The following GPN1 variants were observed in gnomAD, a reference collection of about 807,000 sequenced individuals.
The protein encoded by GPN1 is GPN-loop GTPase 1.
A neutral mutation model predicts 55.9 loss-of-function variants in GPN1; 44 were observed. The observed-to-expected ratio is 0.79, with a 90% CI of 0.62 to 1.01. The LOEUF is 1.01. GPN1 is among the 50% of genes least tolerant of loss of function. The probability of loss-of-function intolerance (pLI) is 0.00; values close to 1 mark genes in which losing one functional copy is unlikely to be tolerated. For missense variants in GPN1, 466 were observed against 462.8 expected (o/e 1.01, Z -0.06); for synonymous variants, 179 against 162.5 (o/e 1.10, Z -0.77).
At chr2:27,642,354 A>G in intron 11 of GPN1, 75 bp from the exon 12 acceptor site, 1 of 850,744 alleles carries the variant, frequency 1.2e-6, no homozygotes, top group Non-Finnish European at 2.0e-6. Context: ...ATAATTCTTC[A>G]TCTCCACTGA....
intron 13 of GPN1, 56 bp from the exon 14 acceptor site, chr2:27,650,059 C>G (rs1306468898): frequency 4.3e-6 from 4 of 939,758 alleles, no homozygotes; most frequent in African/African-American, 1.6e-5. Flanking sequence ...GTGACGGGCT[C>G]TAATCAGTTT....
In GPN1 at chr2:27,634,907, A is replaced by G. The variant is rs1039935454; in HGVS notation, c.412A>G (p.Ile138Val). Residue 138 changes from isoleucine to valine, a missense_variant, in exon 6 of 14, where the codon ATT (isoleucine) becomes GTT (valine). Coordinates refer to ENST00000610189, the MANE Select transcript of GPN1 (RefSeq NM_007266.4). ...EVFTWSASGTIITEALASSFP... is the reference protein window; with the variant it reads ...EVFTWSASGTVITEALASSFP... ...ATTCACCTGGTCAGCTTCTGGGACA[A>G]TTATCACTGAAGCCCTTGTGAGTAT... 15 of 1,594,650 alleles carry G rather than the reference A, an allele frequency of 9.4e-6. No homozygotes were observed. The African/African-American group carries it at 1.2e-4, about 13-fold the overall frequency.
exon 14 of GPN1, chr2:27,651,509 GTA>G (rs1341103573): frequency 6.6e-6 from 1 of 152,288 alleles, no homozygotes; most frequent in African/African-American, 2.4e-5. Context: ...TTATTATAAA[GTA>G]TTAATTTTAA....
At chr2:27,630,255 C>T (rs886598596) in intron 2 of GPN1, among the ~76,000 whole-genome samples, 15 of 152,164 alleles carry the variant, frequency 9.9e-5, no homozygotes, top group African/African-American at 3.4e-4. Flanking sequence ...CCACTGCACT[C>T]CAGCCTGGTC....
intron 12 of GPN1, among the ~76,000 whole-genome samples, chr2:27,646,501 A>G (rs559722715): frequency 6.6e-6 from 1 of 151,846 alleles, no homozygotes; most frequent in East Asian, 1.9e-4. Flanking sequence ...TGAATTAAAA[A>G]TTTTTTTTTA....
chr2:27,632,044 T>A (rs1208560375), intron 4 of GPN1, 144 bp downstream of exon 4: 5 of 653,652 alleles, frequency 7.6e-6, no homozygotes, highest in Non-Finnish European at 1.4e-5. Flanking sequence ...GACAGAGAAG[T>A]AGACTATGAG....
intron 5 of GPN1, among the ~76,000 whole-genome samples, chr2:27,633,411 T>C (rs774207451): frequency 6.6e-6 from 1 of 152,174 alleles, no homozygotes; most frequent in Non-Finnish European, 1.5e-5. Flanking sequence ...GCTCAGGTGA[T>C]CCTCCCACCT....
At chr2:27,633,193 G>A (rs149456592) in intron 5 of GPN1, among the ~76,000 whole-genome samples, 158 of 152,214 alleles carry the variant, frequency 1.0e-3, no homozygotes, top group African/African-American at 3.7e-3. Context: ...CCATCACCCC[G>A]ATTCCCACTA....
Position 27,629,350 on chromosome 2 carries a change from AAGGCTCTCTTCTGCGCACCT to A in GPN1, c.111+182_111+201del. ...TCCTCGGGCCCTAGCCAGGTTAATT[AAGGCTCTCTTCTGCGCACCT>A]TCAGGGCATACTCGGTCCAGCTTAC... On this transcript the variant is annotated intron_variant, in intron 1 of 13. Coordinates refer to ENST00000610189, the MANE Select transcript of GPN1 (RefSeq NM_007266.4). 1.9e-6 allele frequency: 3 copies of A among 1,540,244 alleles called. No individual in the cohort carries two copies. The South Asian group carries it at 3.6e-5, about 18-fold the overall frequency.
At chr2:27,644,730 T>TTTG (rs1553358630) in intron 12 of GPN1, among the ~76,000 whole-genome samples, 1 of 148,308 alleles carries the variant, frequency 6.7e-6, no homozygotes, top group African/African-American at 2.5e-5. Flanking sequence ...AGTGTTTTTT[T>TTTG]TTTTTTTTTT....
intron 5 of GPN1, among the ~76,000 whole-genome samples, chr2:27,634,606 T>C (rs1468547875): frequency 1.3e-5 from 2 of 152,248 alleles, no homozygotes; most frequent in African/African-American, 4.8e-5. Flanking sequence ...AAGTTTCCCC[T>C]GTGATCATTT....
intron 1 of GPN1, 39 bp from the exon 2 acceptor site, chr2:27,629,820 T>C: frequency 9.1e-7 from 1 of 1,099,770 alleles, no homozygotes; most frequent in Non-Finnish European, 1.4e-6. Context: ...TCTTGTCCCC[T>C]CTTTGTCTCC....
At chr2:27,641,444 G>A (rs1385276838) in intron 11 of GPN1, among the ~76,000 whole-genome samples, 165 bp downstream of exon 11, 1 of 152,112 alleles carries the variant, frequency 6.6e-6, no homozygotes, top group Non-Finnish European at 1.5e-5. Context: ...TGAAATTTCA[G>A]TGTATCTTCT....
chr2:27,648,189 C>T (rs1053649944), intron 13 of GPN1, among the ~76,000 whole-genome samples: 1 of 152,022 alleles, frequency 6.6e-6, no homozygotes, highest in African/African-American at 2.4e-5. Flanking sequence ...TTGAGGGATC[C>T]AGGACTTTTG....
rs78719906 is a variant in GPN1, at chr2:27,643,604, C to T, written c.931+1085C>T. Among the ~76,000 whole-genome samples, 2,188 of 152,290 alleles carry T rather than the reference C, an allele frequency of 0.014. 48 individuals are homozygous for T. Among genetic ancestry groups the T allele is most frequent in the African/African-American group, 0.049 (2,035 of 41,556 alleles). On this transcript the variant is annotated intron_variant, in intron 12 of 13. Coordinates refer to ENST00000610189, the MANE Select transcript of GPN1 (RefSeq NM_007266.4). The surrounding 1 kb of genome is among the most constrained non-coding windows in gnomAD (Gnocchi z 4.0). Reference sequence around the variant, plus strand: ...GGATGTGCATTGTATTTAATTCTCACATGCCTTATACTCCTTTAGAATCTG... The same window carrying T: ...GGATGTGCATTGTATTTAATTCTCATATGCCTTATACTCCTTTAGAATCTG...
In GPN1 at chr2:27,650,143, A is replaced by G. The variant is rs142332359; in HGVS notation, c.1068A>G (p.Ala356=). The change falls in exon 14 of 14, where the codon GCA becomes GCG. Residue 356 remains alanine (A), a synonymous_variant. Coordinates refer to ENST00000610189, the MANE Select transcript of GPN1 (RefSeq NM_007266.4). ...RVTEESHEEP[A]FQNFMQESMA... ...CAGAGGAAAGCCATGAAGAGCCAGC[A>G]TTCCAGAATTTTATGCAAGAATCGA... 6.2e-7 allele frequency: 1 copy of G among 1,607,392 alleles called. No homozygotes were observed. Among genetic ancestry groups the G allele is most frequent in the Non-Finnish European group, 8.5e-7 (1 of 1,173,898 alleles).
At chr2:27,635,414 T>C (rs1673699623) in intron 7 of GPN1, among the ~76,000 whole-genome samples, 180 bp downstream of exon 7, 1 of 149,874 alleles carries the variant, frequency 6.7e-6, no homozygotes, top group South Asian at 2.1e-4. Flanking sequence ...AAGAGGCACA[T>C]GTGCTGTTGG....
At position 27,638,209 on chromosome 2, in the gene GPN1, G is replaced by T; in HGVS notation, c.525-1G>T. 6.5e-7 allele frequency: 1 copy of T among 1,536,028 alleles called. No homozygotes were observed. The highest frequency in any genetic ancestry group is 9.0e-7 in the Non-Finnish European group (1 of 1,109,056). On this transcript the variant is annotated splice_acceptor_variant, in intron 7 of 13. Transcript: ENST00000610189. LOFTEE classifies it high-confidence loss of function. The stretch of plus-strand genomic sequence containing the variant: ...ATAACTTCTCAATGTTTGGTTTTCA[G>T]CATCTTATACAAAACCAAGCTGCCT...
chr2:27,639,455 G>A (rs1022508046), intron 9 of GPN1, among the ~76,000 whole-genome samples: 7 of 152,092 alleles, frequency 4.6e-5, no homozygotes, highest in African/African-American at 1.4e-4. Flanking sequence ...AAGTGATTTG[G>A]TTTGGTTTGT....
Sources: gnomAD v4.1 joint callset for allele counts (sites outside exome capture counted in the v4.1 genomes callset) on GRCh38, gnomAD v4.1.1 for gene constraint, Gnocchi (gnomAD v3.1) non-coding constraint, MANE v1.5 for transcripts, NCBI Gene and HGNC (gene_info 2026-07-23, HGNC 2026-07-21) for gene names.